Variants in VSIG4 observed in about 807,000 individuals in gnomAD.
VSIG4 encodes V-set and immunoglobulin domain containing 4, also known as V-set and immunoglobulin domain-containing protein 4.
VSIG4 carries 34 observed loss-of-function variants against 23.4 expected under a neutral mutation model. The ratio of observed to expected loss-of-function variants is 1.45; its 90% confidence interval spans 1.10 to 1.93. The LOEUF (loss-of-function observed/expected upper bound fraction) is 1.93. Ranked by LOEUF, VSIG4 falls within the 30% of genes most tolerant of loss-of-function variation. The pLI, the probability that VSIG4 is intolerant of heterozygous loss-of-function variation, is 0.00. For synonymous variants in VSIG4, 169 were observed against 120.3 expected (o/e 1.41, Z -2.65); for missense variants, 433 against 310.8 (o/e 1.39, Z -2.96).
intron 3 of VSIG4, among the ~76,000 whole-genome samples, chrX:66,031,409 T>G (rs1343403814): frequency 9.1e-6 from 1 of 109,609 alleles, no homozygotes; most frequent in Non-Finnish European, 1.9e-5. Context: ...AACCATGATC[T>G]ACAGCACACA....
intron 6 of VSIG4, among the ~76,000 whole-genome samples, chrX:66,024,727 T>C (rs1206136292): frequency 1.8e-5 from 2 of 111,994 alleles, no homozygotes; most frequent in African/African-American, 6.5e-5. Context: ...CCTAAATAAA[T>C]TGTGAGCAAC....
Position 66,023,828 on chromosome X carries a change from C to T in VSIG4, c.941-966G>A, listed in dbSNP as rs758049459. ...AATGCTACATTTTGACCTTTATCCC[C>T]TGGGCCATAAGAAGCCATGGAAGGT... is the stretch of plus-strand genomic sequence containing the variant. On this transcript the variant is annotated intron_variant, in intron 6 of 7. Transcript: ENST00000374737. Among the ~76,000 whole-genome samples the T allele has an allele frequency of 4.5e-5, 5 of 112,237 alleles. No individual in the cohort carries two copies. In the East Asian group the frequency reaches 1.4e-3, roughly 32 times the overall value.
chrX:66,022,810 G>T (rs375922559), intron 7 of VSIG4, 31 bp downstream of exon 7: 21 of 1,211,406 alleles, frequency 1.7e-5, no homozygotes, highest in Non-Finnish European at 2.1e-5. Flanking sequence ...CAGGGACGGG[G>T]TCAAAAATGG....
At chrX:66,023,802 G>A (rs190020139) in intron 6 of VSIG4, among the ~76,000 whole-genome samples, 1 of 112,471 alleles carries the variant, frequency 8.9e-6, no homozygotes, top group Non-Finnish European at 1.9e-5. Context: ...GCCTTGAATA[G>A]AATGCTACAT....
At chrX:66,039,768 A>G (rs2085662024) in intron 1 of VSIG4, among the ~76,000 whole-genome samples, 176 bp downstream of exon 1, 3 of 112,537 alleles carry the variant, frequency 2.7e-5, no homozygotes, top group African/African-American at 6.5e-5. Context: ...TGGCTTCTTC[A>G]GCAGCCTTCA....
chrX:66,038,621 G>A lies in VSIG4; in HGVS notation c.55+1323C>T, dbSNP rs1175453478. ...AGCTCAAACCAACAGACTTGGAGAA[G>A]GTAGAGAGATACATTATAAAACCTG... is the stretch of plus-strand genomic sequence containing the variant. On this transcript the variant is annotated intron_variant, in intron 1 of 7. Transcript: ENST00000374737. 2.7e-5 allele frequency among the ~76,000 whole-genome samples: 3 copies of A among 111,810 alleles called. No individual in the cohort carries two copies. The Admixed American group carries it at 2.9e-4, about 11-fold the overall frequency.
intron 1 of VSIG4, 89 bp from the exon 2 acceptor site, chrX:66,033,919 C>T (rs1289249650): frequency 6.9e-6 from 5 of 729,046 alleles, no homozygotes; most frequent in Non-Finnish European, 1.0e-5. Context: ...CAAAAGGTTT[C>T]TGAGAAATGC....
In VSIG4 at chrX:66,022,406, G is replaced by C; in HGVS notation, c.1057C>G (p.Leu353Val). ...GGCTCATCAGAGTAGTTGTTGCCCA[G>C]ATTCTGGGAAGTTGGCTCATCACTG... ...CSSDEPTSQN[L>V]GNNYSDEPCI... The change falls in exon 8 of 8, where the codon CTG becomes GTG. Residue 353 changes from leucine to valine, a missense_variant. By Grantham distance (32) the Leu-to-Val change is conservative (BLOSUM62 1). Transcript: ENST00000374737. 1 of 1,212,158 alleles carries C rather than the reference G, an allele frequency of 8.2e-7. No homozygotes were observed. Among genetic ancestry groups the C allele is most frequent in the Non-Finnish European group, 1.1e-6 (1 of 895,600 alleles).
chrX:66,021,890 G>A lies in VSIG4; in HGVS notation c.*373C>T. ...AGAAAGAGAAATGATCCTGGATATA[G>A]CTGGTCCTCTGAGCTGGCAGAGCTG... On this transcript the variant is annotated 3_prime_UTR_variant, in exon 8 of 8. Coordinates refer to ENST00000374737, the MANE Select transcript of VSIG4 (RefSeq NM_007268.3). 2.8e-6 allele frequency: 1 copy of A among 361,794 alleles called. No individual in the cohort carries two copies. Among genetic ancestry groups the A allele is most frequent in the Non-Finnish European group, 4.9e-6 (1 of 203,124 alleles). 29.8% of individuals were successfully genotyped at this position (361,794 alleles called of 1,213,427 possible).
chrX:66,024,632 T>C (rs751605628), intron 6 of VSIG4, among the ~76,000 whole-genome samples: 69 of 112,142 alleles, frequency 6.2e-4, no homozygotes, highest in Non-Finnish European at 8.8e-4. Flanking sequence ...CCCTTTAGCA[T>C]TAATTGTCTT....
rs1258702818 is a variant in VSIG4 at position 66,033,775 on chromosome X, C to T, written c.111G>A (p.Val37=). 8.3e-7 allele frequency: 1 copy of T among 1,209,199 alleles called. No homozygotes were observed. The highest frequency in any genetic ancestry group is 1.1e-6 in the Non-Finnish European group (1 of 894,968). The change falls in exon 2 of 8, where the codon GTG becomes GTA. Residue 37 remains valine, a synonymous_variant. Transcript: ENST00000374737. The part of the protein sequence containing the change: ...ESVTGPWKGD[V]NLPCTYDPLQ... ...GGGGGTCATAGGTGCAGGGAAGATTCACATCCCCTTTCCAAGGTCCTGTTA... is the reference window on the plus strand; with the variant it reads ...GGGGGTCATAGGTGCAGGGAAGATTTACATCCCCTTTCCAAGGTCCTGTTA...
At chrX:66,032,834 G>A in intron 2 of VSIG4, 85 bp from the exon 3 acceptor site, 1 of 1,001,824 alleles carries the variant, frequency 1.0e-6, no homozygotes, top group South Asian at 2.5e-5. Context: ...TTGGGCGTAA[G>A]GGCATGCATA....
Position 66,021,939 on chromosome X carries a change from G to T in VSIG4, c.*324C>A. Reference sequence around the variant, plus strand: ...TGAGCCTCCCTCGGGTCTTCTGGTGGCAAGATGCCAAAGTTGAATAGTGTC... The same window carrying T: ...TGAGCCTCCCTCGGGTCTTCTGGTGTCAAGATGCCAAAGTTGAATAGTGTC... On this transcript the variant is annotated 3_prime_UTR_variant, in exon 8 of 8. Coordinates refer to ENST00000374737, the MANE Select transcript of VSIG4 (RefSeq NM_007268.3). The T allele has an allele frequency of 1.4e-6, 1 of 698,724 alleles. No individual in the cohort carries two copies. Among genetic ancestry groups the T allele is most frequent in the Non-Finnish European group, 2.1e-6 (1 of 484,493 alleles). The allele number at this position is 698,724 out of a possible 1,213,427, so 57.6% of individuals were successfully genotyped here. A position where few individuals can be genotyped will look rare whatever the true frequency, so the allele number is the denominator to read the frequency against.
At chrX:66,029,521 T>C (rs2085440028) in intron 3 of VSIG4, among the ~76,000 whole-genome samples, 1 of 111,625 alleles carries the variant, frequency 9.0e-6, no homozygotes, top group South Asian at 3.7e-4. Flanking sequence ...ACATAAAATA[T>C]ATACTCAATA....
In VSIG4 at chrX:66,025,043, G is replaced by A. The variant is rs750631892; in HGVS notation, c.922C>T (p.Arg308Trp). Reference sequence around the variant, plus strand: ...CACTAACCTTGTTGGGATGTCTTCCGACAGAGCATGATATAGGCCATGGTA... The same window carrying A: ...CACTAACCTTGTTGGGATGTCTTCCAACAGAGCATGATATAGGCCATGGTA... ...VFTMAYIMLC[R>W]KTSQQEHVYE... The change falls in exon 6 of 8, where the codon CGG (arginine) becomes TGG (tryptophan). Residue 308 changes from arginine (R) to tryptophan (W), a missense_variant. Coordinates refer to ENST00000374737, the MANE Select transcript of VSIG4 (RefSeq NM_007268.3). 20 of 1,195,370 alleles carry A rather than the reference G, an allele frequency of 1.7e-5. No homozygotes were observed. Among genetic ancestry groups the A allele is most frequent in the African/African-American group, 3.5e-5 (2 of 56,466 alleles).
Position 66,022,389 on chromosome X carries a change from A to T in VSIG4, c.1074T>A (p.Ser358=), listed in dbSNP as rs199755780. 1.2e-5 allele frequency: 15 copies of T among 1,210,925 alleles called. No individual in the cohort carries two copies. The Admixed American group carries it at 3.0e-4, about 25-fold the overall frequency. ...ACTCCTGTCCTATGCAGGGCTCATC[A>T]GAGTAGTTGTTGCCCAGATTCTGGG... The part of the protein sequence containing the change: ...PTSQNLGNNY[S]DEPCIGQEYQ... Residue 358 remains serine, a synonymous_variant, in exon 8 of 8, where the codon TCT becomes TCA. Transcript: ENST00000374737.
intron 1 of VSIG4, among the ~76,000 whole-genome samples, chrX:66,035,604 C>T (rs1469207217): frequency 8.9e-6 from 1 of 111,779 alleles, no homozygotes; most frequent in Non-Finnish European, 1.9e-5. Context: ...TTTCACTGTG[C>T]CATAGATAGT....
intron 1 of VSIG4, among the ~76,000 whole-genome samples, chrX:66,036,318 T>A (rs1162707075): frequency 9.2e-6 from 1 of 108,846 alleles, no homozygotes; most frequent in Non-Finnish European, 1.9e-5. Context: ...ATTGTACTAT[T>A]CCTCATGTTT....
intron 7 of VSIG4, 23 bp downstream of exon 7, chrX:66,022,818 T>C (rs2085348209): frequency 8.3e-7 from 1 of 1,210,892 alleles, no homozygotes; most frequent in Admixed American, 2.2e-5. Flanking sequence ...GGGTCAAAAA[T>C]GGAAGAGGAG....
Sources: allele counts gnomAD v4.1 joint callset (sites outside exome capture counted in the v4.1 genomes callset), GRCh38; gene constraint gnomAD v4.1.1; transcripts MANE v1.5; gene names NCBI Gene and HGNC (gene_info 2026-07-23, HGNC 2026-07-21).